The following CLEC4C variants were observed in gnomAD, a reference collection of about 807,000 sequenced individuals.
CLEC4C encodes C-type (calcium dependent, carbohydrate-recognition domain) lectin, superfamily member 11.
A neutral mutation model predicts 27.7 loss-of-function variants in CLEC4C; 17 were observed. The observed-to-expected ratio is 0.61, with a 90% CI of 0.42 to 0.92. CLEC4C has a LOEUF of 0.92. CLEC4C is among the 40% of genes least tolerant of loss of function. CLEC4C has a pLI of 0.00. For synonymous variants in CLEC4C, 80 were observed against 80.8 expected, an observed-to-expected ratio of 0.99 and a Z score of 0.06; for missense variants, 244 against 257.3, an observed-to-expected ratio of 0.95 and a Z score of 0.35.
intron 5 of CLEC4C, among the ~76,000 whole-genome samples, chr12:7,730,458 T>G (rs1864570282): frequency 6.6e-6 from 1 of 152,106 alleles, no homozygotes; most frequent in Non-Finnish European, 1.5e-5. Context: ...CTGGCCAACA[T>G]GGTGAAACCC....
At chr12:7,732,372 A>G (rs1354310554) in intron 4 of CLEC4C, among the ~76,000 whole-genome samples, 1 of 135,844 alleles carries the variant, frequency 7.4e-6, no homozygotes, top group Non-Finnish European at 1.6e-5. Flanking sequence ...TATTTTTTTG[A>G]GATGGAGTCT....
At chr12:7,731,101 G>A (rs1046170804) in intron 4 of CLEC4C, among the ~76,000 whole-genome samples, 189 bp from the exon 5 acceptor site, 1 of 152,064 alleles carries the variant, frequency 6.6e-6, no homozygotes, top group Admixed American at 6.6e-5. Context: ...CAGGCACATA[G>A]GGAGGTGGAG....
chr12:7,747,950 A>G (rs12229129), upstream of CLEC4C, among the ~76,000 whole-genome samples: 21,585 of 144,360 alleles, frequency 0.15, 1,652 homozygotes, highest in East Asian at 0.31. Flanking sequence ...AGCCTCTTTC[A>G]TTTGTAAATT....
At chr12:7,736,238 G>A (rs372106429) in intron 4 of CLEC4C, among the ~76,000 whole-genome samples, 7 of 152,258 alleles carry the variant, frequency 4.6e-5, no homozygotes, top group East Asian at 1.9e-4. Context: ...AGCCAAGACC[G>A]TGCCATTGCA....
chr12:7,737,381 T>A lies in CLEC4C; in HGVS notation c.381+48A>T, dbSNP rs180720258. 231 of 1,468,494 alleles carry A rather than the reference T, an allele frequency of 1.6e-4. 1 individual carries two copies. The African/African-American group carries it at 3.0e-3, about 19-fold the overall frequency. The allele number at this position is 1,468,494 out of a possible 1,614,324, so 91.0% of individuals were successfully genotyped here. A position where few individuals can be genotyped will look rare whatever the true frequency, so the allele number is the denominator to read the frequency against. On this transcript the variant is annotated intron_variant, in intron 4 of 5. Transcript: ENST00000360345. ...GGGCAATAAAAAGACTCTTTATCAGTTAAGAAAGGAAACAGATTAGCTGAC... is the reference window on the plus strand; with the variant it reads ...GGGCAATAAAAAGACTCTTTATCAGATAAGAAAGGAAACAGATTAGCTGAC...
chr12:7,747,605 A>C, upstream of CLEC4C: 1 of 408,384 alleles, frequency 2.4e-6, no homozygotes, highest in African/African-American at 2.0e-5. Context: ...TACATGAAAA[A>C]CAGTTCATGG....
chr12:7,730,167 T>G (rs1009420854), intron 5 of CLEC4C, among the ~76,000 whole-genome samples: 1 of 152,202 alleles, frequency 6.6e-6, no homozygotes, highest in African/African-American at 2.4e-5. Context: ...AAGAACTAGG[T>G]AAATTCCCTG....
chr12:7,743,487 C>T (rs1036509388), intron 2 of CLEC4C, among the ~76,000 whole-genome samples: 1 of 151,732 alleles, frequency 6.6e-6, no homozygotes, highest in Admixed American at 6.6e-5. Flanking sequence ...TGGGTTCATG[C>T]CATTCTCCTG....
intron 3 of CLEC4C, 38 bp downstream of exon 3, chr12:7,741,383 T>C (rs370916691): frequency 5.5e-6 from 6 of 1,099,434 alleles, no homozygotes; most frequent in African/African-American, 3.1e-5. Context: ...ATTTGATTAA[T>C]AGCAAGGGAA....
rs765803926 is a variant in CLEC4C, at chr12:7,729,606, ATCT to A, written c.629_631del (p.Lys210del). The A allele has an allele frequency of 2.5e-6, 4 of 1,613,714 alleles. No individual in the cohort carries two copies. In the African/African-American group the frequency reaches 4.0e-5, roughly 16 times the overall value. On this transcript the variant is annotated inframe_deletion, in exon 6 of 6. Coordinates refer to ENST00000360345, the MANE Select transcript of CLEC4C (RefSeq NM_001371390.1). ...GGGAGAATATTTCATTTATATGTAG[ATCT>A]TCTTCATCTTGCAAATTGACTTCTG...
chr12:7,745,039 G>T (rs1256403427), intron 2 of CLEC4C, among the ~76,000 whole-genome samples: 7 of 152,074 alleles, frequency 4.6e-5, no homozygotes, highest in Non-Finnish European at 1.0e-4. Context: ...AAACAAAGGA[G>T]CAGATCAACT....
At chr12:7,745,335 C>T (rs1864947585) in intron 2 of CLEC4C, among the ~76,000 whole-genome samples, 1 of 151,614 alleles carries the variant, frequency 6.6e-6, no homozygotes, top group African/African-American at 2.4e-5. Flanking sequence ...CCTCACCATA[C>T]CCAACCATCC....
intron 4 of CLEC4C, among the ~76,000 whole-genome samples, chr12:7,736,974 T>A (rs1359836004): frequency 6.6e-6 from 1 of 152,194 alleles, no homozygotes; most frequent in Non-Finnish European, 1.5e-5. Flanking sequence ...CTCACGCCTA[T>A]AATCCCAACA....
intron 4 of CLEC4C, among the ~76,000 whole-genome samples, chr12:7,734,592 A>G (rs1173275868): frequency 6.9e-6 from 1 of 145,568 alleles, no homozygotes; most frequent in African/African-American, 2.6e-5. Context: ...TTTTTCACCC[A>G]GACTGGAACG....
chr12:7,748,457 C>T (rs1259726972), upstream of CLEC4C, among the ~76,000 whole-genome samples: 4 of 151,744 alleles, frequency 2.6e-5, no homozygotes, highest in African/African-American at 7.3e-5. Context: ...ACCCGGGAGG[C>T]GGAGCTTACA....
chr12:7,737,888 A>C lies in CLEC4C; in HGVS notation c.236-314T>G, dbSNP rs758950901. ...CACTGGCAATATGTTACCAAAGAAA[A>C]AAAAAAGAACATGAGTATGGCAATA... On this transcript the variant is annotated intron_variant, in intron 3 of 5. Transcript: ENST00000360345. 3.5e-4 allele frequency among the ~76,000 whole-genome samples: 54 copies of C among 152,304 alleles called. 1 individual carries two copies. The South Asian group carries it at 0.011, about 31-fold the overall frequency.
chr12:7,743,311 AC>A (rs1864899034), intron 2 of CLEC4C, among the ~76,000 whole-genome samples: 2 of 152,244 alleles, frequency 1.3e-5, no homozygotes, highest in East Asian at 3.9e-4. Flanking sequence ...TTTGCTAAAA[AC>A]GGTCTCTTTT....
intron 3 of CLEC4C, among the ~76,000 whole-genome samples, chr12:7,741,014 GTAT>G (rs1327029116): frequency 6.6e-6 from 1 of 151,958 alleles, no homozygotes; most frequent in African/African-American, 2.4e-5. Flanking sequence ...CTAATTTTTT[GTAT>G]TTTTAGTAGG....
upstream of CLEC4C, among the ~76,000 whole-genome samples, chr12:7,747,922 C>CAAAAAA (rs36046177): frequency 9.5e-6 from 1 of 104,908 alleles, no homozygotes; most frequent in Non-Finnish European, 1.8e-5. Flanking sequence ...ACTCCATCTC[C>CAAAAAA]AAAAAAAAAA....
Sources: allele counts gnomAD v4.1 joint callset (sites outside exome capture counted in the v4.1 genomes callset), GRCh38; gene constraint gnomAD v4.1.1; transcripts MANE v1.5; gene names NCBI Gene and HGNC (gene_info 2026-07-23, HGNC 2026-07-21).